MED17: variants seen among roughly 807,000 people sequenced by gnomAD.
MED17 encodes the protein mediator complex subunit 17.
A neutral mutation model predicts 80.8 loss-of-function variants in MED17; 49 were observed. That is an observed-to-expected ratio of 0.61 (90% CI 0.48 to 0.77). MED17 has a LOEUF of 0.77. Ranked by LOEUF, MED17 falls within the 30% of genes least tolerant of loss-of-function variation. The pLI, the probability that MED17 is intolerant of heterozygous loss-of-function variation, is 0.00. For synonymous variants in MED17, 281 were observed against 280.4 expected, an observed-to-expected ratio of 1.00 and a Z score of -0.02; for missense variants, 718 against 787.0, an observed-to-expected ratio of 0.91 and a Z score of 1.05.
intron 8 of MED17, among the ~76,000 whole-genome samples, chr11:93,798,637 G>A (rs1369069870): frequency 6.6e-6 from 1 of 152,168 alleles, no homozygotes; most frequent in Non-Finnish European, 1.5e-5. Context: ...GGGGTGAAAG[G>A]TGTGTAAGCC....
At chr11:93,794,827 CAT>C in intron 5 of MED17, 79 bp from the exon 6 acceptor site, 1 of 1,422,610 alleles carries the variant, frequency 7.0e-7, no homozygotes, top group Non-Finnish European at 9.9e-7. Context: ...AAACTTTTGT[CAT>C]ATGTATTCAG....
At chr11:93,787,748 T>A (rs1208569103) in intron 1 of MED17, among the ~76,000 whole-genome samples, 1 of 152,214 alleles carries the variant, frequency 6.6e-6, no homozygotes, top group Non-Finnish European at 1.5e-5. Context: ...AAAAGAGATT[T>A]GAGTCTATAA....
In MED17 at chr11:93,810,028, T is replaced by TA. The variant is rs1247392353; in HGVS notation, c.1744+153dup. ...CGAATGTTTATTTGATCATAGCTAT[T>TA]ATGCAGAGCAAGAGATTATTATTTC... On this transcript the variant is annotated intron_variant, in intron 11 of 11. Transcript: ENST00000251871. 9 of 762,614 alleles carry TA rather than the reference T, an allele frequency of 1.2e-5. No individual in the cohort carries two copies. In the Admixed American group the frequency reaches 1.6e-4, roughly 14 times the overall value. The allele number at this position is 762,614 out of a possible 1,614,324, so 47.2% of individuals were successfully genotyped here. A position where few individuals can be genotyped will look rare whatever the true frequency, so the allele number is the denominator to read the frequency against.
chr11:93,789,107 A>G (rs1044532053), intron 2 of MED17: 5 of 152,200 alleles, frequency 3.3e-5, no homozygotes, highest in Non-Finnish European at 1.5e-5. Context: ...AAGGAAAACA[A>G]GTGTCAAGAC....
intron 8 of MED17, among the ~76,000 whole-genome samples, chr11:93,798,484 T>A (rs1361018885): frequency 6.6e-6 from 1 of 152,208 alleles, no homozygotes; most frequent in Non-Finnish European, 1.5e-5. Context: ...GATTTCCAGT[T>A]TTTTTCTTGT....
chr11:93,804,008 T>C (rs1943995058), intron 9 of MED17, among the ~76,000 whole-genome samples: 2 of 8,576 alleles, frequency 2.3e-4, no homozygotes, highest in Admixed American at 7.2e-3. Flanking sequence ...TGTATATATA[T>C]ATATATATAT....
chr11:93,811,826 T>C (rs375727570), intron 11 of MED17, 27 bp from the exon 12 acceptor site: 1 of 1,577,522 alleles, frequency 6.3e-7, no homozygotes, highest in Admixed American at 1.7e-5. Flanking sequence ...AACTAGAGTG[T>C]ATTGATATTT....
intron 6 of MED17, chr11:93,796,080 G>A (rs1943897242): frequency 3.0e-6 from 1 of 332,354 alleles, no homozygotes; most frequent in Non-Finnish European, 5.8e-6. Context: ...CTCCCAAGCA[G>A]CTGGGACTAC....
At position 93,793,960 on chromosome 11, in the gene MED17, C is replaced by G; in HGVS notation, c.784C>G (p.Gln262Glu). The change falls in exon 5 of 12, where the codon CAA (glutamine) becomes GAA (glutamate). Residue 262 changes from glutamine (Q) to glutamate (E), a missense_variant. Coordinates refer to ENST00000251871, the MANE Select transcript of MED17 (RefSeq NM_004268.5). The part of the protein sequence containing the change: ...EGSAYIKVSI[Q>E]KQAPDIGDLG... Reference sequence around the variant, plus strand: ...TTTTGTTGTCATATAGGTTTCAATACAAAAACAGGCTCCAGATATAGGTGA... The same window carrying G: ...TTTTGTTGTCATATAGGTTTCAATAGAAAAACAGGCTCCAGATATAGGTGA... 6.2e-7 allele frequency: 1 copy of G among 1,613,940 alleles called. No homozygotes were observed. The highest frequency in any genetic ancestry group is 8.5e-7 in the Non-Finnish European group (1 of 1,179,944).
At chr11:93,793,249 G>A (rs1284586926) in intron 3 of MED17, 1 of 167,716 alleles carries the variant, frequency 6.0e-6, no homozygotes, top group Non-Finnish European at 1.3e-5. Flanking sequence ...CTCAGTAGCT[G>A]GGATTACAGG....
chr11:93,809,564 C>T (rs1330550148), intron 10 of MED17, 153 bp from the exon 11 acceptor site: 2 of 779,568 alleles, frequency 2.6e-6, no homozygotes, highest in Non-Finnish European at 2.2e-6. Context: ...TTCCCTCCCC[C>T]TAAGTTACGC....
At chr11:93,790,528 C>CA in intron 2 of MED17, 46 bp from the exon 3 acceptor site, 1 of 1,514,308 alleles carries the variant, frequency 6.6e-7, no homozygotes, top group Non-Finnish European at 9.1e-7. Context: ...ATTTTAGAGT[C>CA]ATTTAAAAAT....
chr11:93,809,029 G>A (rs1944059198), intron 10 of MED17: 1 of 155,594 alleles, frequency 6.4e-6, no homozygotes, highest in Non-Finnish European at 1.4e-5. Flanking sequence ...AGAAGTGGGT[G>A]TAGGTGAGCC....
In MED17 at chr11:93,809,912, G is replaced by C. The variant is rs372617560; in HGVS notation, c.1744+36G>C. ...CTGCTTTGAATGAGAAGGGACCATT[G>C]GGAGTTTGGCTTTAACATTTAGTTT... On this transcript the variant is annotated intron_variant, in intron 11 of 11. Transcript: ENST00000251871. 5 of 1,611,932 alleles carry C rather than the reference G, an allele frequency of 3.1e-6. No individual in the cohort carries two copies. In the African/African-American group the frequency reaches 5.3e-5, roughly 17 times the overall value.
At chr11:93,785,770 GCC>G (rs1943762850) in intron 1 of MED17, among the ~76,000 whole-genome samples, 1 of 152,194 alleles carries the variant, frequency 6.6e-6, no homozygotes, top group Non-Finnish European at 1.5e-5. Context: ...ATTTTTGGAG[GCC>G]AAGGTGGAAG....
intron 8 of MED17, among the ~76,000 whole-genome samples, chr11:93,799,204 C>T (rs948126999): frequency 1.5e-5 from 2 of 135,444 alleles, no homozygotes; most frequent in African/African-American, 2.8e-5. Context: ...TTTTTTGAGA[C>T]GAAGTCTCAC....
At chr11:93,807,412 C>A in intron 9 of MED17, 106 bp from the exon 10 acceptor site, 1 of 779,462 alleles carries the variant, frequency 1.3e-6, no homozygotes, top group Non-Finnish European at 2.2e-6. Context: ...GAGACTTTGT[C>A]TAAAAAATAA....
chr11:93,790,290 A>T (rs1317193200), intron 2 of MED17: 1 of 516,602 alleles, frequency 1.9e-6, no homozygotes, highest in African/African-American at 1.9e-5. Context: ...TAAGGAGAGG[A>T]ATGGCAGTAC....
rs1944103742 is a variant in MED17, at chr11:93,813,364, G to A, written c.*1300G>A. 1 of 152,130 alleles carries A rather than the reference G, an allele frequency of 6.6e-6. No homozygotes were observed. Among genetic ancestry groups the A allele is most frequent in the Admixed American group, 6.6e-5 (1 of 15,264 alleles). The allele number at this position is 152,130 out of a possible 1,614,324, so 9.4% of individuals were successfully genotyped here. On this transcript the variant is annotated 3_prime_UTR_variant, in exon 12 of 12. Transcript: ENST00000251871. ...CAACTTTGTGCTTTTTTCCCCTTCT[G>A]ATCAAGATCTTGCATCTTTCTATCC...
Sources: allele counts gnomAD v4.1 joint callset (sites outside exome capture counted in the v4.1 genomes callset), GRCh38; gene constraint gnomAD v4.1.1; transcripts MANE v1.5; gene names NCBI Gene and HGNC (gene_info 2026-07-23, HGNC 2026-07-21).